The following KLHDC4 variants were observed in gnomAD, a reference collection of about 807,000 sequenced individuals.
The protein encoded by KLHDC4 is kelch domain-containing protein 4.
In KLHDC4, 90 loss-of-function variants were observed where a neutral mutation model predicts 62.4. The observed-to-expected ratio is 1.44, with a 90% confidence interval of 1.22 to 1.72. The LOEUF is 1.72. Among genes scored for constraint, KLHDC4 ranks in the 40% most tolerant of loss-of-function variants. The pLI, the probability that KLHDC4 is intolerant of heterozygous loss-of-function variation, is 0.00. For synonymous variants in KLHDC4, 386 were observed against 284.4 expected (o/e 1.36, Z -3.59); for missense variants, 1,025 against 699.7 (o/e 1.47, Z -5.25).
chr16:87,731,893 A>G (rs1220670048), intron 5 of KLHDC4, among the ~76,000 whole-genome samples: 1 of 152,160 alleles, frequency 6.6e-6, no homozygotes, highest in Non-Finnish European at 1.5e-5. Flanking sequence ...GCACACAGCA[A>G]TGTGAATGAA....
At chr16:87,722,168 G>C (rs1012079880) in intron 7 of KLHDC4, among the ~76,000 whole-genome samples, 1 of 152,222 alleles carries the variant, frequency 6.6e-6, no homozygotes, top group Non-Finnish European at 1.5e-5. Context: ...CTTTCGTTAG[G>C]ATACAAGTCA....
chr16:87,735,455 GC>G (rs1360530943), intron 5 of KLHDC4, among the ~76,000 whole-genome samples: 2 of 152,152 alleles, frequency 1.3e-5, no homozygotes. Flanking sequence ...TAGATGGGGC[GC>G]CCCCCGCTGC....
chr16:87,733,002 G>A (rs948426017), intron 5 of KLHDC4, among the ~76,000 whole-genome samples: 1 of 137,124 alleles, frequency 7.3e-6, no homozygotes, highest in African/African-American at 2.9e-5. Context: ...TGAAAAGGCA[G>A]GTGCAAAGCA....
chr16:87,722,134 T>A (rs1360620930), intron 7 of KLHDC4, among the ~76,000 whole-genome samples: 1 of 152,158 alleles, frequency 6.6e-6, no homozygotes. Flanking sequence ...TGCTGCTGGG[T>A]CTGCTGTCCC....
intron 3 of KLHDC4, chr16:87,756,159 G>A (rs544335564): frequency 4.1e-5 from 15 of 368,080 alleles, no homozygotes; most frequent in Admixed American, 1.4e-4. Context: ...GAGTGATGAC[G>A]GCAGAGCTGG....
At chr16:87,756,555 C>A in intron 2 of KLHDC4, 78 bp from the exon 3 acceptor site, 1 of 1,024,790 alleles carries the variant, frequency 9.8e-7, no homozygotes, top group East Asian at 2.5e-5. Context: ...CTCACAGAAT[C>A]CTCTGTCACC....
chr16:87,721,209 A>G (rs1388164727), intron 7 of KLHDC4, among the ~76,000 whole-genome samples: 2 of 152,200 alleles, frequency 1.3e-5, no homozygotes, highest in Admixed American at 6.5e-5. Flanking sequence ...TCACAAGGTC[A>G]GGAGATCGAG....
chr16:87,722,812 C>A (rs770299195), intron 7 of KLHDC4, among the ~76,000 whole-genome samples: 1 of 152,240 alleles, frequency 6.6e-6, no homozygotes, highest in Non-Finnish European at 1.5e-5. Flanking sequence ...CCCGGGGAGG[C>A]GCCAGGTCTG....
At chr16:87,745,788 A>T (rs1294802154) in intron 5 of KLHDC4, among the ~76,000 whole-genome samples, 3 of 152,274 alleles carry the variant, frequency 2.0e-5, no homozygotes, top group Middle Eastern at 3.4e-3. Flanking sequence ...ACAGGGTGGG[A>T]GAGAATGCGG....
Position 87,708,050 on chromosome 16 carries a change from G to T in KLHDC4, c.*27C>A. On this transcript the variant is annotated 3_prime_UTR_variant, in exon 12 of 12. Transcript: ENST00000270583. ...CTGGGCGGACGTGGGCACAGCACTT[G>T]CCAGGCGCCCCTGGCAGGGGCTCTT... The T allele has an allele frequency of 3.7e-6, 2 of 537,404 alleles. No homozygotes were observed. The allele number at this position is 537,404 out of a possible 1,614,324, so 33.3% of individuals were successfully genotyped here. A position where few individuals can be genotyped will look rare whatever the true frequency, so the allele number is the denominator to read the frequency against.
intron 5 of KLHDC4, chr16:87,739,942 T>C (rs113003103): frequency 3.3e-5 from 5 of 152,318 alleles, no homozygotes; most frequent in South Asian, 2.1e-4. Context: ...TAAAGACCAA[T>C]GAATGACACA....
chr16:87,731,878 C>G (rs2040436364), intron 5 of KLHDC4, among the ~76,000 whole-genome samples: 1 of 152,182 alleles, frequency 6.6e-6, no homozygotes, highest in South Asian at 2.1e-4. Context: ...GAATTGTTTA[C>G]TGATGCACAC....
chr16:87,749,396 A>G (rs1229649472), intron 4 of KLHDC4, among the ~76,000 whole-genome samples: 1 of 152,010 alleles, frequency 6.6e-6, no homozygotes, highest in Non-Finnish European at 1.5e-5. Flanking sequence ...TCTACTAAAA[A>G]TACAAACATT....
At chr16:87,742,217 G>A (rs932149157) in intron 5 of KLHDC4, among the ~76,000 whole-genome samples, 14 of 152,024 alleles carry the variant, frequency 9.2e-5, no homozygotes, top group African/African-American at 2.9e-4. Context: ...GCCACACACC[G>A]CAGCCCAGCC....
chr16:87,735,047 C>G (rs1035404659), intron 5 of KLHDC4, among the ~76,000 whole-genome samples: 1 of 138,340 alleles, frequency 7.2e-6, no homozygotes, highest in East Asian at 2.3e-4. Context: ...CCCCCCCAGA[C>G]GAATTTCCTG....
intron 5 of KLHDC4, among the ~76,000 whole-genome samples, chr16:87,732,475 C>T (rs1315196877): frequency 6.6e-6 from 1 of 152,038 alleles, no homozygotes; most frequent in African/African-American, 2.4e-5. Context: ...GTAATTATGT[C>T]TCAATAAAAC....
chr16:87,718,339 CT>C (rs1304761905), intron 7 of KLHDC4, among the ~76,000 whole-genome samples: 144 of 69,558 alleles, frequency 2.1e-3, no homozygotes, highest in South Asian at 2.8e-3. Context: ...CCCTCCCCCT[CT>C]CCTCCCCCTC....
rs1567843483 is a variant in KLHDC4, at chr16:87,761,969, C to CG, written c.170dup (p.Cys58ValfsTer17). ...CTCACCTTGGTGAGGGTGGGGGGCA[C>CG]GGAAGTTCCACAGTCTGAGTCCTCT... On this transcript the variant is annotated frameshift_variant, in exon 2 of 12. Coordinates refer to ENST00000270583, the MANE Select transcript of KLHDC4 (RefSeq NM_017566.4). LOFTEE classifies it high-confidence loss of function. 1 of 1,613,698 alleles carries CG rather than the reference C, an allele frequency of 6.2e-7. No homozygotes were observed.
At chr16:87,753,736 G>C (rs555558693) in intron 4 of KLHDC4, among the ~76,000 whole-genome samples, 79 of 150,808 alleles carry the variant, frequency 5.2e-4, no homozygotes, top group Non-Finnish European at 1.0e-3. Flanking sequence ...AGGAAGCGGA[G>C]GTTGCAGTGA....
Sources: gnomAD v4.1 joint callset for allele counts (sites outside exome capture counted in the v4.1 genomes callset) on GRCh38, gnomAD v4.1.1 for gene constraint, MANE v1.5 for transcripts, NCBI Gene and HGNC (gene_info 2026-07-23, HGNC 2026-07-21) for gene names.